DENND5A: variants seen among roughly 807,000 people sequenced by gnomAD.
The protein encoded by DENND5A is DENN domain-containing protein 5A.
Under a neutral mutation model 140.3 loss-of-function variants are expected in DENND5A, and 64 were observed. The observed-to-expected ratio is 0.46, with a 90% CI of 0.37 to 0.56. DENND5A has a LOEUF of 0.56. DENND5A is among the 20% of genes least tolerant of loss of function. DENND5A has a pLI of 0.00. For missense variants in DENND5A, 1,292 were observed against 1,593.8 expected (o/e 0.81, Z 3.22); for synonymous variants, 605 against 607.7 (o/e 1.00, Z 0.07).
At position 9,178,133 on chromosome 11, in the gene DENND5A, T is replaced by C. The variant is rs202047190; in HGVS notation, c.1905A>G (p.Ala635=). ...TGTACATTTCCAAGGAGGCCTTACC[T>C]GCTTCATCCACAGTGGTACACTTCT... ...MYQKCTTVDE[A]EKAIELRLAK... The change falls in exon 8 of 23, where the codon GCA becomes GCG. Residue 635 remains alanine, a splice_region_variant and synonymous_variant. Transcript: ENST00000328194. 15 of 1,609,410 alleles carry C rather than the reference T, an allele frequency of 9.3e-6. No individual in the cohort carries two copies. In the East Asian group the frequency reaches 3.3e-4, roughly 36 times the overall value.
At chr11:9,193,412 T>C in intron 5 of DENND5A, 82 bp downstream of exon 5, 1 of 1,114,480 alleles carries the variant, frequency 9.0e-7, no homozygotes, top group Non-Finnish European at 1.2e-6. Context: ...CTTGGTAACA[T>C]CATGCATGCT....
chr11:9,243,591 T>C (rs1851335419), intron 1 of DENND5A, among the ~76,000 whole-genome samples: 1 of 152,064 alleles, frequency 6.6e-6, no homozygotes, highest in Non-Finnish European at 1.5e-5. Context: ...GAAGGATAAA[T>C]ATATTTTATT....
chr11:9,249,840 G>C (rs184639699), intron 1 of DENND5A, among the ~76,000 whole-genome samples: 1 of 151,922 alleles, frequency 6.6e-6, no homozygotes, highest in Non-Finnish European at 1.5e-5. Context: ...ATGAGCCACC[G>C]TGCCCGGCCT....
In DENND5A at chr11:9,170,789, T is replaced by TACAC. The variant is rs10550560; in HGVS notation, c.1907-16_1907-13dup. 2.8e-4 allele frequency: 446 copies of TACAC among 1,582,756 alleles called. No homozygotes were observed. The highest frequency in any genetic ancestry group is 1.5e-3 in the East Asian group (65 of 43,788). On this transcript the variant is annotated splice_polypyrimidine_tract_variant and intron_variant, in intron 8 of 22. Transcript: ENST00000328194. ...CTCAATTGCTTTCTCTGGATGAGAA[T>TACAC]ACACACACACACACACACACACACA...
chr11:9,166,319 C>A (rs747867922), intron 10 of DENND5A, among the ~76,000 whole-genome samples: 9 of 152,084 alleles, frequency 5.9e-5, no homozygotes, highest in Non-Finnish European at 1.0e-4. Context: ...CCTGGTGATC[C>A]ATCTGCCTCA....
At chr11:9,257,487 T>TC (rs1432748113) in intron 1 of DENND5A, among the ~76,000 whole-genome samples, 1 of 148,368 alleles carries the variant, frequency 6.7e-6, no homozygotes, top group Non-Finnish European at 1.5e-5. Context: ...GTATTCTTTT[T>TC]TTTTTTTTTT....
intron 1 of DENND5A, among the ~76,000 whole-genome samples, chr11:9,223,326 G>T (rs1055090923): frequency 6.6e-6 from 1 of 152,102 alleles, no homozygotes; most frequent in Non-Finnish European, 1.5e-5. Context: ...GCAGGCGGAG[G>T]TCAGGAGTTT....
At chr11:9,210,031 C>T (rs1178871401) in intron 1 of DENND5A, among the ~76,000 whole-genome samples, 1 of 151,856 alleles carries the variant, frequency 6.6e-6, no homozygotes, top group Non-Finnish European at 1.5e-5. Flanking sequence ...CACTTGAACC[C>T]GGGGGATGGA....
At chr11:9,143,653 G>A (rs1195595087) in intron 19 of DENND5A, among the ~76,000 whole-genome samples, 168 bp from the exon 20 acceptor site, 4 of 152,212 alleles carry the variant, frequency 2.6e-5, no homozygotes, top group Non-Finnish European at 5.9e-5. Flanking sequence ...TAGCTCTTCC[G>A]CAAATCTTGG....
chr11:9,171,527 G>T (rs1485772385), intron 8 of DENND5A: 1 of 152,192 alleles, frequency 6.6e-6, no homozygotes. Flanking sequence ...ATATGGAAGT[G>T]TCCAGGACTC....
intron 1 of DENND5A, among the ~76,000 whole-genome samples, chr11:9,250,826 G>C (rs577710630): frequency 5.3e-5 from 8 of 152,046 alleles, no homozygotes; most frequent in Non-Finnish European, 1.0e-4. Context: ...TGGCCAACTG[G>C]AATAGTTTAG....
intron 1 of DENND5A, among the ~76,000 whole-genome samples, chr11:9,227,715 T>C (rs1366487599): frequency 3.3e-5 from 5 of 152,032 alleles, no homozygotes; most frequent in Non-Finnish European, 7.4e-5. Context: ...TCTAACACTA[T>C]GGGAGGCCAA....
At chr11:9,143,945 G>A in intron 19 of DENND5A, 152 bp downstream of exon 19, 1 of 860,604 alleles carries the variant, frequency 1.2e-6, no homozygotes, top group Non-Finnish European at 1.8e-6. Context: ...ATAAGAGAAG[G>A]GTGCCATATG....
chr11:9,254,691 G>A (rs1851870794), intron 1 of DENND5A, among the ~76,000 whole-genome samples: 1 of 152,146 alleles, frequency 6.6e-6, no homozygotes, highest in Non-Finnish European at 1.5e-5. Context: ...TCGACTCCCA[G>A]TTTGAAACTG....
In DENND5A at chr11:9,141,928, G is replaced by A; in HGVS notation, c.3680+12C>T. ...TAACCGCTGTGCACTCTGGGCCCTG[G>A]GTCTGCAGTACCTGGCTCCCAAGCA... On this transcript the variant is annotated intron_variant, in intron 22 of 22. Coordinates refer to ENST00000328194, the MANE Select transcript of DENND5A (RefSeq NM_015213.4). The A allele has an allele frequency of 6.4e-7, 1 of 1,569,716 alleles. No individual in the cohort carries two copies. Among genetic ancestry groups the A allele is most frequent in the Non-Finnish European group, 8.7e-7 (1 of 1,155,888 alleles).
chr11:9,205,019 G>A (rs1849649404), intron 3 of DENND5A, among the ~76,000 whole-genome samples: 1 of 152,200 alleles, frequency 6.6e-6, no homozygotes, highest in South Asian at 2.1e-4. Context: ...AGTAAGATAT[G>A]TATATTAGGA....
At chr11:9,173,750 C>T (rs1297607229) in intron 8 of DENND5A, among the ~76,000 whole-genome samples, 7 of 152,150 alleles carry the variant, frequency 4.6e-5, no homozygotes, top group African/African-American at 1.7e-4. Flanking sequence ...CCTAAAGCAA[C>T]TGCTAAAATA....
chr11:9,184,361 A>G (rs953922337), intron 5 of DENND5A, among the ~76,000 whole-genome samples: 7 of 152,152 alleles, frequency 4.6e-5, no homozygotes, highest in African/African-American at 1.7e-4. Context: ...TCAAAAGAAA[A>G]AAAAAAAAGA....
intron 1 of DENND5A, among the ~76,000 whole-genome samples, chr11:9,222,966 C>T (rs1394963849): frequency 6.6e-6 from 1 of 152,354 alleles, no homozygotes; most frequent in Middle Eastern, 3.4e-3. Context: ...TGTAACTGAT[C>T]ATCCCTGCAT....
Sources: gnomAD v4.1 joint callset for allele counts (sites outside exome capture counted in the v4.1 genomes callset) on GRCh38, gnomAD v4.1.1 for gene constraint, MANE v1.5 for transcripts, NCBI Gene and HGNC (gene_info 2026-07-23, HGNC 2026-07-21) for gene names.